The following ELAPOR2 variants were observed in gnomAD, a reference collection of about 807,000 sequenced individuals.
The protein encoded by ELAPOR2 is endosome/lysosome-associated apoptosis and autophagy regulator family member 2.
In ELAPOR2, 89 loss-of-function variants were observed where a neutral mutation model predicts 120.7. The ratio of observed to expected loss-of-function variants is 0.74; its 90% CI spans 0.62 to 0.88. The LOEUF is 0.88. Ranked by LOEUF, ELAPOR2 falls within the 40% of genes least tolerant of loss-of-function variation. The probability of loss-of-function intolerance (pLI) is 0.00; values close to 1 mark genes in which losing one functional copy is unlikely to be tolerated. For synonymous variants in ELAPOR2, 444 were observed against 444.9 expected, an observed-to-expected ratio of 1.00 and a Z score of 0.03; for missense variants, 1,134 against 1,251.6, an observed-to-expected ratio of 0.91 and a Z score of 1.42.
rs1799312528 is a variant in ELAPOR2 at position 86,879,769 on chromosome 7, TCTTA to T, written c.*698_*701del. On this transcript the variant is annotated 3_prime_UTR_variant, in exon 22 of 22. Transcript: ENST00000450689. The stretch of plus-strand genomic sequence containing the variant: ...GAGAATTAGGGCTTCTCGTTACCTT[TCTTA>T]CTTTTTTGTTTTTTAGATTCCTTCA... 6.6e-6 allele frequency: 1 copy of T among 152,220 alleles called. No homozygotes were observed. Among genetic ancestry groups the T allele is most frequent in the Non-Finnish European group, 1.5e-5 (1 of 68,050 alleles). 9.4% of individuals were successfully genotyped at this position (152,220 alleles called of 1,614,324 possible). A position where few individuals can be genotyped will look rare whatever the true frequency, so the allele number is the denominator to read the frequency against.
At chr7:86,918,598 G>A in intron 11 of ELAPOR2, 54 bp from the exon 12 acceptor site, 1 of 1,130,152 alleles carries the variant, frequency 8.8e-7, no homozygotes, top group Non-Finnish European at 1.3e-6. Context: ...ATACAATTTA[G>A]AATAAAATTA....
intron 1 of ELAPOR2, among the ~76,000 whole-genome samples, chr7:87,043,789 G>T (rs963254113): frequency 2.0e-5 from 3 of 151,512 alleles, no homozygotes; most frequent in African/African-American, 7.3e-5. Flanking sequence ...GAAATAAAGG[G>T]TATTCAATTA....
At chr7:86,995,181 A>G (rs1562960580) in intron 1 of ELAPOR2, among the ~76,000 whole-genome samples, 2 of 152,196 alleles carry the variant, frequency 1.3e-5, no homozygotes, top group South Asian at 2.1e-4. Context: ...CTTATGATTA[A>G]GAAAACTTCC....
At chr7:86,936,669 C>T (rs1311621114) in intron 8 of ELAPOR2, among the ~76,000 whole-genome samples, 1 of 151,952 alleles carries the variant, frequency 6.6e-6, no homozygotes, top group African/African-American at 2.4e-5. Flanking sequence ...GTGTGTACAC[C>T]GCATGCCTGT....
chr7:86,950,138 T>G (rs1052103635), intron 2 of ELAPOR2, among the ~76,000 whole-genome samples: 9 of 152,196 alleles, frequency 5.9e-5, no homozygotes, highest in African/African-American at 2.2e-4. Context: ...TGCTGAGAGC[T>G]GAACAGTAGC....
intron 1 of ELAPOR2, among the ~76,000 whole-genome samples, chr7:86,976,542 TCCTGCCCCTCA>T (rs1382790980): frequency 6.6e-6 from 1 of 152,146 alleles, no homozygotes; most frequent in Non-Finnish European, 1.5e-5. Flanking sequence ...GGGCAGATGA[TCCTGCCCCTCA>T]CCTGCCCCCT....
chr7:87,023,105 T>C (rs1441165590), intron 1 of ELAPOR2, among the ~76,000 whole-genome samples: 2 of 152,178 alleles, frequency 1.3e-5, no homozygotes, highest in Non-Finnish European at 2.9e-5. Flanking sequence ...TTTGTTGCCA[T>C]TGCTTTTGGT....
intron 18 of ELAPOR2, among the ~76,000 whole-genome samples, chr7:86,901,690 GT>G (rs1788733563): frequency 1.3e-5 from 2 of 152,210 alleles, no homozygotes; most frequent in South Asian, 4.1e-4. Context: ...TGTCAGTTGA[GT>G]TATCCTCCAG....
At chr7:86,977,968 T>C (rs905507422) in intron 1 of ELAPOR2, among the ~76,000 whole-genome samples, 3 of 152,246 alleles carry the variant, frequency 2.0e-5, no homozygotes, top group Non-Finnish European at 4.4e-5. Flanking sequence ...TTCATATTTT[T>C]AAAAGTTATA....
chr7:86,988,934 C>G (rs546557208), intron 1 of ELAPOR2, among the ~76,000 whole-genome samples: 93 of 152,270 alleles, frequency 6.1e-4, no homozygotes, highest in Non-Finnish European at 7.8e-4. Context: ...TTAAAAAAGA[C>G]AAAGTGAAAG....
chr7:86,974,781 C>T (rs1792223331), intron 1 of ELAPOR2, among the ~76,000 whole-genome samples: 1 of 151,980 alleles, frequency 6.6e-6, no homozygotes, highest in Admixed American at 6.6e-5. Context: ...TTTGCCAAGA[C>T]ATAAAAAAAA....
intron 2 of ELAPOR2, among the ~76,000 whole-genome samples, chr7:86,961,341 T>C (rs1791699499): frequency 1.3e-5 from 2 of 152,146 alleles, no homozygotes; most frequent in Non-Finnish European, 2.9e-5. Flanking sequence ...GTACCTGAAG[T>C]TATGGACTCA....
Position 86,909,983 on chromosome 7 carries a change from A to G in ELAPOR2, c.2188T>C (p.Cys730Arg). Residue 730 changes from cysteine to arginine, a missense_variant, in exon 16 of 22, where the codon TGT (cysteine) becomes CGT (arginine). By Grantham distance (180) the Cys-to-Arg change is radical. Around this residue, in one of 3 missense-constraint regions of ELAPOR2, gnomAD observed 831 missense variants for 867.6 expected, o/e 0.96. Transcript: ENST00000450689. ...GTAAAGTCTGTTATATTGTTGGTAC[A>G]GAGAGCCATCTTCTTCCCCTAGGAA... ...CGHEGKKMAL[C>R]TNNITDFTVK... is the part of the protein sequence containing the mutation. The G allele has an allele frequency of 6.2e-7, 1 of 1,608,738 alleles. No individual in the cohort carries two copies. The highest frequency in any genetic ancestry group is 8.5e-7 in the Non-Finnish European group (1 of 1,178,012).
intron 1 of ELAPOR2, among the ~76,000 whole-genome samples, chr7:86,974,033 T>C (rs767723652): frequency 6.6e-6 from 1 of 151,990 alleles, no homozygotes; most frequent in Admixed American, 6.6e-5. Context: ...AACTGGGTAA[T>C]AGTAATTTTC....
intron 4 of ELAPOR2, 119 bp downstream of exon 4, chr7:86,944,780 T>C: frequency 2.8e-6 from 2 of 715,674 alleles, no homozygotes. Context: ...AAGGTTCAGT[T>C]AACACACACA....
At chr7:87,007,094 G>A (rs1467584572) in intron 1 of ELAPOR2, among the ~76,000 whole-genome samples, 1 of 152,194 alleles carries the variant, frequency 6.6e-6, no homozygotes, top group East Asian at 1.9e-4. Flanking sequence ...AGAAAATGGA[G>A]TGTTTTGAGT....
intron 12 of ELAPOR2, among the ~76,000 whole-genome samples, chr7:86,917,100 C>T (rs745889414): frequency 6.6e-6 from 1 of 151,374 alleles, no homozygotes; most frequent in Non-Finnish European, 1.5e-5. Context: ...GCCATCACGC[C>T]AGCCTCTACT....
At chr7:86,941,281 T>C in intron 5 of ELAPOR2, 1 of 526,384 alleles carries the variant, frequency 1.9e-6, no homozygotes, top group South Asian at 1.4e-5. Context: ...CGGAGTTAGA[T>C]ATTAAATCCA....
chr7:86,979,844 G>T (rs887239763), intron 1 of ELAPOR2, among the ~76,000 whole-genome samples: 2 of 152,320 alleles, frequency 1.3e-5, no homozygotes. Context: ...CCAAGGGAGA[G>T]AATACAGTTG....
Sources: allele counts gnomAD v4.1 joint callset (sites outside exome capture counted in the v4.1 genomes callset), GRCh38; gene constraint gnomAD v4.1.1; regional missense constraint gnomAD v4.1.1; transcripts MANE v1.5; gene names NCBI Gene and HGNC (gene_info 2026-07-23, HGNC 2026-07-21).